OR52E4: variants seen among roughly 807,000 people sequenced by gnomAD.
The protein encoded by OR52E4 is olfactory receptor 52E4.
For synonymous variants in OR52E4, 169 were observed against 137.4 expected (o/e 1.23, Z -1.61); for missense variants, 444 against 383.8 (o/e 1.16, Z -1.31).
At position 5,884,812 on chromosome 11, in the gene OR52E4, A is replaced by G; in HGVS notation, c.520A>G (p.Asn174Asp). ...TCTGCGTCTGCCATTCTGTGGGCAT[A>G]ACATCGTACCTCACACATACTGTGA... The part of the protein sequence containing the change: ...LILRLPFCGH[N>D]IVPHTYCEHR... The change falls in exon 2 of 2, where the codon AAC (asparagine) becomes GAC (aspartate). Residue 174 changes from asparagine (N) to aspartate (D), a missense_variant. By Grantham distance (23) the Asn-to-Asp change is conservative. Transcript: ENST00000641726. 3 of 1,613,544 alleles carry G rather than the reference A, an allele frequency of 1.9e-6. No individual in the cohort carries two copies. Among genetic ancestry groups the G allele is most frequent in the South Asian group, 2.2e-5 (2 of 91,074 alleles).
At chr11:5,884,097 T>A in intron 1 of OR52E4, 122 bp from the exon 2 acceptor site, 1 of 539,988 alleles carries the variant, frequency 1.9e-6, no homozygotes, top group Non-Finnish European at 3.3e-6. Context: ...CTCAGAACAA[T>A]AATCTGTGTT....
Position 5,885,424 on chromosome 11 carries a change from A to G in OR52E4, c.*193A>G. ...CTGTTTCCCCTACTTCTCTCCAAGT[A>G]CCTGGACAAAGGTTAGAGATTAATG... On this transcript the variant is annotated 3_prime_UTR_variant, in exon 2 of 2. Transcript: ENST00000641726. 1 of 528,922 alleles carries G rather than the reference A, an allele frequency of 1.9e-6. No homozygotes were observed. The highest frequency in any genetic ancestry group is 3.3e-6 in the Non-Finnish European group (1 of 301,682). The allele number at this position is 528,922 out of a possible 1,614,324, so 32.8% of individuals were successfully genotyped here. A position where few individuals can be genotyped will look rare whatever the true frequency, so the allele number is the denominator to read the frequency against.
In OR52E4 at chr11:5,885,217, G is replaced by C; in HGVS notation, c.925G>C (p.Val309Leu). 6.3e-7 allele frequency: 1 copy of C among 1,589,484 alleles called. No individual in the cohort carries two copies. Among genetic ancestry groups the C allele is most frequent in the Non-Finnish European group, 8.6e-7 (1 of 1,167,206 alleles). ...QIREQIVKIF[V>L]QKE ...CCGAGAGCAAATTGTGAAAATATTTGTACAGAAAGAATAATTCTGTATTAA... is the reference window on the plus strand; with the variant it reads ...CCGAGAGCAAATTGTGAAAATATTTCTACAGAAAGAATAATTCTGTATTAA... The change falls in exon 2 of 2, where the codon GTA becomes CTA. Residue 309 changes from valine to leucine, a missense_variant. Physicochemically the swap from Val to Leu is conservative, Grantham distance 32. Transcript: ENST00000641726.
At chr11:5,883,301 T>C (rs1295524815) in intron 1 of OR52E4, among the ~76,000 whole-genome samples, 1 of 152,024 alleles carries the variant, frequency 6.6e-6, no homozygotes, top group Non-Finnish European at 1.5e-5. Flanking sequence ...TAATCCATAA[T>C]AGAAATGCAC....
chr11:5,884,299 T>A lies in OR52E4; in HGVS notation c.7T>A (p.Ser3Thr). The part of the protein sequence containing the change: MP[S>T]INDTHFYPPF... ...AGTGACACTTGCTGGGAGAATGCCT[T>A]CTATCAATGACACCCACTTCTATCC... Residue 3 changes from serine to threonine, a missense_variant, in exon 2 of 2, where the codon TCT (serine) becomes ACT (threonine). Physicochemically the swap from Ser to Thr is moderately conservative, Grantham distance 58. Transcript: ENST00000641726. 2 of 1,604,754 alleles carry A rather than the reference T, an allele frequency of 1.2e-6. No homozygotes were observed. The highest frequency in any genetic ancestry group is 1.7e-6 in the Non-Finnish European group (2 of 1,174,668).
rs757779209 is a variant in OR52E4 at position 5,884,632 on chromosome 11, A to T, written c.340A>T (p.Thr114Ser). 1.2e-6 allele frequency: 2 copies of T among 1,613,370 alleles called. No individual in the cohort carries two copies. The highest frequency in any genetic ancestry group is 1.3e-5 in the African/African-American group (1 of 74,930). Residue 114 changes from threonine to serine, a missense_variant, in exon 2 of 2, where the codon ACT becomes TCT. Transcript: ENST00000641726. ...FFIHMFTGME[T>S]VLLVVMAYDR... ...TATTCACATGTTTACAGGCATGGAG[A>T]CTGTTCTGTTGGTGGTCATGGCTTA...
At chr11:5,880,879 G>C (rs1366428200) in intron 1 of OR52E4, among the ~76,000 whole-genome samples, 165 bp downstream of exon 1, 2 of 24,260 alleles carry the variant, frequency 8.2e-5, no homozygotes, top group Non-Finnish European at 1.7e-4. Flanking sequence ...GGATTGGTGA[G>C]GGCAGTGGTG....
chr11:5,883,598 T>A (rs1286890038), intron 1 of OR52E4, among the ~76,000 whole-genome samples: 1 of 151,692 alleles, frequency 6.6e-6, no homozygotes, highest in African/African-American at 2.4e-5. Flanking sequence ...AACTATTATA[T>A]AAAACATAAT....
Position 5,884,368 on chromosome 11 carries a change from C to T in OR52E4, c.76C>T (p.His26Tyr), listed in dbSNP as rs150295666. The change falls in exon 2 of 2, where the codon CAT becomes TAT. Residue 26 changes from histidine (H) to tyrosine (Y), a missense_variant. By Grantham distance (83) the His-to-Tyr change is moderately conservative. Transcript: ENST00000641726. Reference protein sequence around the residue: ...LLGIPGLDTLHIWISFPFCIV... With the variant: ...LLGIPGLDTLYIWISFPFCIV... ...AGGAATACCAGGACTGGACACTTTACATATCTGGATTTCTTTCCCATTCTG... is the reference window on the plus strand; with the variant it reads ...AGGAATACCAGGACTGGACACTTTATATATCTGGATTTCTTTCCCATTCTG... 1.9e-6 allele frequency: 3 copies of T among 1,613,290 alleles called. No individual in the cohort carries two copies. The South Asian group carries it at 3.3e-5, about 18-fold the overall frequency.
Position 5,884,815 on chromosome 11 carries a change from A to G in OR52E4, c.523A>G (p.Ile175Val), listed in dbSNP as rs994756146. Residue 175 changes from isoleucine (I) to valine (V), a missense_variant, in exon 2 of 2, where the codon ATC becomes GTC. Transcript: ENST00000641726. ...ILRLPFCGHN[I>V]VPHTYCEHRG... ...GCGTCTGCCATTCTGTGGGCATAAC[A>G]TCGTACCTCACACATACTGTGAGCA... The G allele has an allele frequency of 1.2e-6, 2 of 1,613,424 alleles. No individual in the cohort carries two copies. The highest frequency in any genetic ancestry group is 2.7e-5 in the African/African-American group (2 of 74,858).
chr11:5,884,314 C>T lies in OR52E4; in HGVS notation c.22C>T (p.His8Tyr), dbSNP rs760560993. The T allele has an allele frequency of 6.8e-6, 11 of 1,610,172 alleles. No individual in the cohort carries two copies. Among genetic ancestry groups the T allele is most frequent in the Middle Eastern group, 1.7e-4 (1 of 6,032 alleles). Residue 8 changes from histidine to tyrosine, a missense_variant, in exon 2 of 2, where the codon CAC becomes TAC. Physicochemically the swap from His to Tyr is moderately conservative, Grantham distance 83. Transcript: ENST00000641726. MPSINDT[H>Y]FYPPFFLLLG... ...GAGAATGCCTTCTATCAATGACACC[C>T]ACTTCTATCCCCCCTTCTTCCTCCT...
chr11:5,884,736 T>C lies in OR52E4; in HGVS notation c.444T>C (p.Ser148=). ...LTNKTISILA[S]VVVGRNLVLV... Reference sequence around the variant, plus strand: ...ATAAAACCATCAGTATCCTAGCTTCTGTGGTTGTTGGAAGAAATTTAGTTC... The same window carrying C: ...ATAAAACCATCAGTATCCTAGCTTCCGTGGTTGTTGGAAGAAATTTAGTTC... The change falls in exon 2 of 2, where the codon TCT becomes TCC. Residue 148 remains serine, a synonymous_variant. Coordinates refer to ENST00000641726, the MANE Select transcript of OR52E4 (RefSeq NM_001005165.2). The C allele has an allele frequency of 6.2e-7, 1 of 1,613,706 alleles. No homozygotes were observed. The highest frequency in any genetic ancestry group is 8.5e-7 in the Non-Finnish European group (1 of 1,179,784).
At position 5,884,940 on chromosome 11, in the gene OR52E4, C is replaced by G. The variant is rs1847018560; in HGVS notation, c.648C>G (p.Ala216=). The G allele has an allele frequency of 2.5e-6, 4 of 1,612,794 alleles. No homozygotes were observed. In the African/African-American group the frequency reaches 5.3e-5, roughly 22 times the overall value. The change falls in exon 2 of 2, where the codon GCC becomes GCG. Residue 216 remains alanine, a synonymous_variant. Coordinates refer to ENST00000641726, the MANE Select transcript of OR52E4 (RefSeq NM_001005165.2). ...SYIIVDVILI[A]SSYVLILRAV... Reference sequence around the variant, plus strand: ...TTATTGTGGATGTGATCTTAATTGCCTCTTCCTATGTGCTTATCCTTAGAG... The same window carrying G: ...TTATTGTGGATGTGATCTTAATTGCGTCTTCCTATGTGCTTATCCTTAGAG...
rs761392657 is a variant in OR52E4 at position 5,885,009 on chromosome 11, C to T, written c.717C>T (p.Phe239=). 8 of 1,613,162 alleles carry T rather than the reference C, an allele frequency of 5.0e-6. No homozygotes were observed. Among genetic ancestry groups the T allele is most frequent in the African/African-American group, 4.0e-5 (3 of 74,858 alleles). The change falls in exon 2 of 2, where the codon TTC becomes TTT. Residue 239 remains phenylalanine, a synonymous_variant. Coordinates refer to ENST00000641726, the MANE Select transcript of OR52E4 (RefSeq NM_001005165.2). ...LPSQDVRLKA[F]NTCGSHVCVM... ...CTCAAGATGTCCGACTAAAGGCCTT[C>T]AATACCTGTGGTTCTCATGTCTGTG...
In OR52E4 at chr11:5,884,475, G is replaced by A. The variant is rs200226524; in HGVS notation, c.183G>A (p.Met61Ile). The part of the protein sequence containing the change: ...IKTEHSLHQP[M>I]FYFLAMLSMI... ...CTGAACATAGTCTACACCAGCCCAT[G>A]TTCTACTTCCTGGCCATGTTGTCTA... The change falls in exon 2 of 2, where the codon ATG becomes ATA. Residue 61 changes from methionine to isoleucine, a missense_variant. Transcript: ENST00000641726. 1 of 1,613,454 alleles carries A rather than the reference G, an allele frequency of 6.2e-7. No individual in the cohort carries two copies. Among genetic ancestry groups the A allele is most frequent in the Admixed American group, 1.7e-5 (1 of 59,914 alleles).
chr11:5,884,629 G>A lies in OR52E4; in HGVS notation c.337G>A (p.Glu113Lys), dbSNP rs754355664. 2 of 1,613,486 alleles carry A rather than the reference G, an allele frequency of 1.2e-6. No homozygotes were observed. Among genetic ancestry groups the A allele is most frequent in the South Asian group, 2.2e-5 (2 of 91,074 alleles). The stretch of plus-strand genomic sequence containing the variant: ...CTTTATTCACATGTTTACAGGCATG[G>A]AGACTGTTCTGTTGGTGGTCATGGC... ...MFFIHMFTGM[E>K]TVLLVVMAYD... Residue 113 changes from glutamate (E) to lysine (K), a missense_variant, in exon 2 of 2, where the codon GAG (glutamate) becomes AAG (lysine). Physicochemically the swap from Glu to Lys is moderately conservative, Grantham distance 56. Transcript: ENST00000641726.
Position 5,885,143 on chromosome 11 carries a change from T to C in OR52E4, c.851T>C (p.Val284Ala), listed in dbSNP as rs1396224744. ...HILLANLYVVVPPALNPVIYG... is the reference protein window; with the variant it reads ...HILLANLYVVAPPALNPVIYG... ...CTTTTGGCTAACCTGTATGTGGTTG[T>C]CCCACCTGCCCTTAACCCTGTCATT... is the stretch of plus-strand genomic sequence containing the variant. Residue 284 changes from valine to alanine, a missense_variant, in exon 2 of 2, where the codon GTC becomes GCC. Transcript: ENST00000641726. 3.7e-6 allele frequency: 6 copies of C among 1,613,344 alleles called. No homozygotes were observed. Among genetic ancestry groups the C allele is most frequent in the East Asian group, 2.2e-5 (1 of 44,862 alleles).
rs1040925246 is a variant in OR52E4, at chr11:5,887,045, A to T, written c.*1814A>T. 10 of 152,124 alleles carry T rather than the reference A, an allele frequency of 6.6e-5. No homozygotes were observed. Among genetic ancestry groups the T allele is most frequent in the Non-Finnish European group, 1.2e-4 (8 of 68,014 alleles). The allele number at this position is 152,124 out of a possible 1,614,324, so 9.4% of individuals were successfully genotyped here. ...GGGTTTTAAATGTGGAAATACATTG[A>T]AACTTGATCTATTCCCTTTGTCTTA... On this transcript the variant is annotated 3_prime_UTR_variant, in exon 2 of 2. Transcript: ENST00000641726.
At chr11:5,880,788 C>T (rs1846953125) in intron 1 of OR52E4, 74 bp downstream of exon 1, 1 of 152,182 alleles carries the variant, frequency 6.6e-6, no homozygotes, top group African/African-American at 2.4e-5. Context: ...ATAGAGAGGC[C>T]AGATTCTTCC....
Sources: allele counts gnomAD v4.1 joint callset (sites outside exome capture counted in the v4.1 genomes callset), GRCh38; gene constraint gnomAD v4.1.1; transcripts MANE v1.5; gene names NCBI Gene and HGNC (gene_info 2026-07-23, HGNC 2026-07-21).